Variants in RBFOX1 observed in about 807,000 individuals in gnomAD.
RBFOX1 encodes RNA binding protein fox-1 homolog 1.
A neutral mutation model predicts 57.7 loss-of-function variants in RBFOX1; 8 were observed. That is an observed-to-expected ratio of 0.14 (90% CI 0.08 to 0.25). RBFOX1 has a LOEUF of 0.25. Among genes scored for constraint, RBFOX1 ranks in the 10% least tolerant of loss-of-function variants. The pLI is 1.00. For missense variants in RBFOX1, 611 were observed against 548.5 expected (o/e 1.11, Z -1.14); for synonymous variants, 326 against 222.4 (o/e 1.47, Z -4.15).
At chr16:6,402,580 C>T in intron 2 of RBFOX1, among the ~76,000 whole-genome samples, 1 of 152,116 alleles carries the variant, frequency 6.6e-6, no homozygotes, top group Non-Finnish European at 1.5e-5. Context: ...TTCAGTTTGT[C>T]CTTGACCTAT....
chr16:7,193,023 T>C (rs892689338), intron 4 of RBFOX1, among the ~76,000 whole-genome samples: 1 of 152,210 alleles, frequency 6.6e-6, no homozygotes, highest in Non-Finnish European at 1.5e-5. Context: ...GCCTTACCTA[T>C]GGCCATGTCT....
chr16:7,136,343 A>G (rs1235487962), intron 4 of RBFOX1, among the ~76,000 whole-genome samples: 1 of 151,716 alleles, frequency 6.6e-6, no homozygotes, highest in Non-Finnish European at 1.5e-5. Flanking sequence ...CCCTGTGACT[A>G]GTAGCTGTCA....
chr16:5,915,177 G>A (rs12445728), intron 4 of RBFOX1, among the ~76,000 whole-genome samples: 13,008 of 152,220 alleles, frequency 0.085, 869 homozygotes, highest in African/African-American at 0.18. Context: ...TATCTAGATT[G>A]TAGATGGAGC....
chr16:7,218,770 T>C (rs2092478098), intron 4 of RBFOX1, among the ~76,000 whole-genome samples: 1 of 151,926 alleles, frequency 6.6e-6, no homozygotes, highest in African/African-American at 2.4e-5. Context: ...AGATTGCCTT[T>C]TATTTTTTCT....
chr16:6,242,629 A>AACACACAC (rs57154832), intron 1 of RBFOX1, among the ~76,000 whole-genome samples: 9,054 of 141,508 alleles, frequency 0.064, 327 homozygotes, highest in Non-Finnish European at 0.087. Flanking sequence ...ATTTATTGCA[A>AACACACAC]ACACACACAC....
intron 2 of RBFOX1, among the ~76,000 whole-genome samples, chr16:5,523,144 G>A (rs1045940338): frequency 6.6e-6 from 1 of 152,100 alleles, no homozygotes; most frequent in African/African-American, 2.4e-5. Context: ...AAATTAGCTG[G>A]GTTTGGTGGT....
At chr16:5,710,753 C>A (rs555577056) in intron 3 of RBFOX1, among the ~76,000 whole-genome samples, 2 of 152,104 alleles carry the variant, frequency 1.3e-5, no homozygotes, top group East Asian at 3.9e-4. Flanking sequence ...AGCCTATTAC[C>A]GGCTCTGTGT....
intron 3 of RBFOX1, among the ~76,000 whole-genome samples, chr16:6,919,793 T>TC (rs2074059539): frequency 1.3e-5 from 2 of 149,576 alleles, no homozygotes; most frequent in Non-Finnish European, 3.0e-5. Flanking sequence ...TTTTCATTAT[T>TC]ATTATTTCAA....
intron 4 of RBFOX1, among the ~76,000 whole-genome samples, chr16:7,389,245 C>T (rs1303073670): frequency 6.6e-6 from 1 of 152,220 alleles, no homozygotes; most frequent in Admixed American, 6.5e-5. Context: ...TGTACCTCAG[C>T]CTCCTGAATA....
intron 1 of RBFOX1, among the ~76,000 whole-genome samples, chr16:6,275,535 A>G (rs930308932): frequency 6.6e-6 from 1 of 152,172 alleles, no homozygotes; most frequent in Non-Finnish European, 1.5e-5. Context: ...TGAGACTGAA[A>G]AAATGGTATG....
chr16:5,362,873 T>A (rs1044969964), intron 1 of RBFOX1, among the ~76,000 whole-genome samples: 2 of 152,184 alleles, frequency 1.3e-5, no homozygotes, highest in Non-Finnish European at 2.9e-5. Context: ...GTTTCCTTTT[T>A]TCAAGCTAAA....
At chr16:6,033,515 A>G (rs1293919668) in intron 1 of RBFOX1, among the ~76,000 whole-genome samples, 1 of 152,256 alleles carries the variant, frequency 6.6e-6, no homozygotes, top group Non-Finnish European at 1.5e-5. Flanking sequence ...AAGATAGCAT[A>G]TGAAATGCAT....
intron 1 of RBFOX1, among the ~76,000 whole-genome samples, chr16:6,091,953 A>G (rs2096181365): frequency 6.6e-6 from 1 of 152,156 alleles, no homozygotes; most frequent in Non-Finnish European, 1.5e-5. Flanking sequence ...CTATCTGTCC[A>G]TCTACCCATG....
intron 4 of RBFOX1, among the ~76,000 whole-genome samples, chr16:5,895,294 G>A (rs537253921): frequency 1.3e-5 from 2 of 152,286 alleles, no homozygotes; most frequent in South Asian, 2.1e-4. Context: ...CTTAATACAA[G>A]CTTAGAACTT....
At chr16:6,595,395 A>C (rs994963232) in intron 2 of RBFOX1, among the ~76,000 whole-genome samples, 7 of 152,184 alleles carry the variant, frequency 4.6e-5, no homozygotes, top group African/African-American at 1.7e-4. Context: ...AATTTAATTC[A>C]CGTTTTGTAG....
intron 1 of RBFOX1, among the ~76,000 whole-genome samples, chr16:6,029,941 G>A (rs1204808036): frequency 1.3e-5 from 2 of 152,094 alleles, no homozygotes; most frequent in African/African-American, 4.8e-5. Flanking sequence ...GAGACAGAGA[G>A]TCTCATTTGT....
chr16:5,636,480 C>A (rs1366404203), intron 3 of RBFOX1, among the ~76,000 whole-genome samples: 2 of 152,192 alleles, frequency 1.3e-5, no homozygotes, highest in Non-Finnish European at 2.9e-5. Flanking sequence ...AGGACTCCTC[C>A]CGCTCATGGG....
intron 2 of RBFOX1, among the ~76,000 whole-genome samples, chr16:6,409,617 C>A (rs558805773): frequency 1.3e-5 from 2 of 152,086 alleles, no homozygotes; most frequent in Admixed American, 6.5e-5. Flanking sequence ...CCCTGTGAAA[C>A]TTTTAAAAAG....
chr16:6,926,006 G>A (rs994700243), intron 3 of RBFOX1, among the ~76,000 whole-genome samples: 1 of 151,990 alleles, frequency 6.6e-6, no homozygotes, highest in African/African-American at 2.4e-5. Context: ...CTCTGTCTAT[G>A]CTCAAAAACC....
Sources: allele counts gnomAD v4.1 joint callset (sites outside exome capture counted in the v4.1 genomes callset), GRCh38; gene constraint gnomAD v4.1.1; transcripts MANE v1.5; gene names NCBI Gene and HGNC (gene_info 2026-07-23, HGNC 2026-07-21).